PHF20L1: variants seen among roughly 807,000 people sequenced by gnomAD.
PHF20L1 encodes the protein PHD finger protein 20-like protein 1.
A neutral mutation model predicts 125.5 loss-of-function variants in PHF20L1; 44 were observed. That is an observed-to-expected ratio of 0.35 (90% confidence interval 0.28 to 0.45). PHF20L1 has a LOEUF of 0.45. Ranked by LOEUF, PHF20L1 falls within the 20% of genes least tolerant of loss-of-function variation. The pLI is 1.00. For missense variants in PHF20L1, 1,012 were observed against 1,217.2 expected (o/e 0.83, Z 2.51); for synonymous variants, 380 against 403.1 (o/e 0.94, Z 0.69).
chr8:132,802,891 T>C, intron 6 of PHF20L1, among the ~76,000 whole-genome samples: 1 of 151,836 alleles, frequency 6.6e-6, no homozygotes, highest in East Asian at 1.9e-4. Context: ...GTATTTTGAG[T>C]AAATCTGAAC....
At chr8:132,790,421 A>G (rs1326861973) in intron 2 of PHF20L1, among the ~76,000 whole-genome samples, 1 of 152,184 alleles carries the variant, frequency 6.6e-6, no homozygotes, top group Admixed American at 6.5e-5. Context: ...TCGCAGTGTA[A>G]CTGGTAACCA....
chr8:132,825,092 T>C, intron 13 of PHF20L1, 172 bp from the exon 14 acceptor site: 1 of 1,518,258 alleles, frequency 6.6e-7, no homozygotes, highest in Non-Finnish European at 8.9e-7. Context: ...TATAGTCCAA[T>C]AAGCTTATCA....
chr8:132,832,159 T>C lies in PHF20L1; in HGVS notation c.1745-76T>C, dbSNP rs1836848535. The C allele has an allele frequency of 8.6e-6, 8 of 928,488 alleles. 1 individual carries two copies. The Middle Eastern group carries it at 6.9e-4, about 80-fold the overall frequency. The allele number at this position is 928,488 out of a possible 1,614,324, so 57.5% of individuals were successfully genotyped here. On this transcript the variant is annotated intron_variant, in intron 14 of 20. Coordinates refer to ENST00000395386, the MANE Select transcript of PHF20L1 (RefSeq NM_016018.5). ...TGATTATTTGGTGTATCCTGAAACA[T>C]GACTTTCGTTATTTTTATAGTGACC...
chr8:132,816,770 A>C (rs1172306593), intron 10 of PHF20L1, 118 bp from the exon 11 acceptor site: 4 of 700,954 alleles, frequency 5.7e-6, no homozygotes, highest in Non-Finnish European at 9.4e-6. Flanking sequence ...CCTTGTGGAT[A>C]TCTTATAACA....
chr8:132,810,324 G>C (rs867452909), intron 8 of PHF20L1: 2 of 152,182 alleles, frequency 1.3e-5, no homozygotes, highest in African/African-American at 4.8e-5. Flanking sequence ...GATTACAGGG[G>C]TGAGCCACTG....
chr8:132,802,721 T>C (rs1283267419), intron 6 of PHF20L1, among the ~76,000 whole-genome samples: 2 of 151,872 alleles, frequency 1.3e-5, no homozygotes, highest in African/African-American at 4.8e-5. Context: ...TTCTTTTTAA[T>C]GGCTTATTGT....
At chr8:132,845,659 G>T in intron 20 of PHF20L1, 122 bp from the exon 21 acceptor site, 1 of 679,534 alleles carries the variant, frequency 1.5e-6, no homozygotes, top group Admixed American at 2.4e-5. Context: ...GAGTATGTTG[G>T]CCTTCTAAAG....
intron 8 of PHF20L1, among the ~76,000 whole-genome samples, 167 bp downstream of exon 8, chr8:132,804,907 G>A (rs1380940255): frequency 6.6e-6 from 1 of 151,904 alleles, no homozygotes; most frequent in East Asian, 1.9e-4. Flanking sequence ...AACACCGTCA[G>A]CTTTTTCTGT....
chr8:132,837,910 C>A, intron 17 of PHF20L1, 99 bp downstream of exon 17: 1 of 775,436 alleles, frequency 1.3e-6, no homozygotes, highest in Non-Finnish European at 2.2e-6. Context: ...ACAGCAAGTT[C>A]TCACATGATG....
intron 15 of PHF20L1, among the ~76,000 whole-genome samples, chr8:132,833,163 G>A (rs1006909374): frequency 6.6e-5 from 10 of 152,052 alleles, no homozygotes; most frequent in African/African-American, 1.4e-4. Flanking sequence ...AATAAGGGAC[G>A]GGGCCTTCAG....
chr8:132,790,875 G>T (rs1031136518), intron 2 of PHF20L1, among the ~76,000 whole-genome samples: 10 of 151,888 alleles, frequency 6.6e-5, no homozygotes, highest in African/African-American at 2.4e-4. Context: ...ATTTTCTATG[G>T]ACTATTAAAG....
intron 8 of PHF20L1, chr8:132,808,607 A>G (rs1292069007): frequency 5.3e-5 from 8 of 152,052 alleles, no homozygotes; most frequent in Non-Finnish European, 7.4e-5. Context: ...TTTTATTTCA[A>G]TAGTTCATTG....
At chr8:132,844,447 C>T (rs1838239565) in intron 20 of PHF20L1, 129 bp downstream of exon 20, 1 of 663,106 alleles carries the variant, frequency 1.5e-6, no homozygotes, top group East Asian at 2.7e-5. Flanking sequence ...GGCTTTATTA[C>T]TCCCTTTGTA....
chr8:132,831,895 T>G (rs1836821453), intron 14 of PHF20L1, among the ~76,000 whole-genome samples: 2 of 152,106 alleles, frequency 1.3e-5, no homozygotes, highest in Non-Finnish European at 2.9e-5. Context: ...TGTCCATGTG[T>G]TGTCATCTTG....
chr8:132,847,344 AAGAC>A lies in PHF20L1; in HGVS notation c.*1422_*1425del, dbSNP rs1001987675. 8.5e-5 allele frequency: 13 copies of A among 152,694 alleles called. No homozygotes were observed. Among genetic ancestry groups the A allele is most frequent in the Admixed American group, 3.9e-4 (6 of 15,290 alleles). 9.5% of individuals were successfully genotyped at this position (152,694 alleles called of 1,614,324 possible). A position where few individuals can be genotyped will look rare whatever the true frequency, so the allele number is the denominator to read the frequency against. Reference sequence around the variant, plus strand: ...TTTGAAATTTTTTTAAAAGGGGAGAAAGACTGTTAAGAGGAGGCTATTTGATGAC... The same window carrying A: ...TTTGAAATTTTTTTAAAAGGGGAGAATGTTAAGAGGAGGCTATTTGATGAC... On this transcript the variant is annotated 3_prime_UTR_variant, in exon 21 of 21. Transcript: ENST00000395386.
rs1838568313 is a variant in PHF20L1 at position 132,848,509 on chromosome 8, C to T, written c.*2586C>T. 6.6e-6 allele frequency: 1 copy of T among 152,434 alleles called. No homozygotes were observed. Among genetic ancestry groups the T allele is most frequent in the African/African-American group, 2.4e-5 (1 of 41,412 alleles). 9.4% of individuals were successfully genotyped at this position (152,434 alleles called of 1,614,324 possible). ...CTAGAGAGAGTGTTTCTTGAAAAGACAATGTTTTATTTGCCACCAGGCAGA... is the reference window on the plus strand; with the variant it reads ...CTAGAGAGAGTGTTTCTTGAAAAGATAATGTTTTATTTGCCACCAGGCAGA... On this transcript the variant is annotated 3_prime_UTR_variant, in exon 21 of 21. Coordinates refer to ENST00000395386, the MANE Select transcript of PHF20L1 (RefSeq NM_016018.5).
intron 14 of PHF20L1, among the ~76,000 whole-genome samples, chr8:132,831,818 T>G (rs1424968457): frequency 6.6e-6 from 1 of 152,078 alleles, no homozygotes; most frequent in Non-Finnish European, 1.5e-5. Context: ...CCAGCACGCA[T>G]TAGCTGTTCT....
chr8:132,779,322 G>A (rs1830172680), intron 2 of PHF20L1, among the ~76,000 whole-genome samples: 1 of 152,134 alleles, frequency 6.6e-6, no homozygotes, highest in Non-Finnish European at 1.5e-5. Context: ...GTGGGTGGCG[G>A]TAAAAATGAT....
At chr8:132,826,093 A>T (rs537670699) in intron 14 of PHF20L1, 1 of 152,236 alleles carries the variant, frequency 6.6e-6, no homozygotes, top group Non-Finnish European at 1.5e-5. Context: ...AAGCACAGCC[A>T]CAAACTCTTC....
Sources: gnomAD v4.1 joint callset for allele counts (sites outside exome capture counted in the v4.1 genomes callset) on GRCh38, gnomAD v4.1.1 for gene constraint, MANE v1.5 for transcripts, NCBI Gene and HGNC (gene_info 2026-07-23, HGNC 2026-07-21) for gene names.